Variants in RBM34 observed in about 807,000 individuals in gnomAD.
RBM34 encodes the protein RNA binding motif protein 34.
Under a neutral mutation model 44.6 loss-of-function variants are expected in RBM34, and 39 were observed. The ratio of observed to expected loss-of-function variants is 0.87; its 90% confidence interval spans 0.68 to 1.14. The LOEUF is 1.14. RBM34 is among the 50% of genes most tolerant of loss of function. The probability of loss-of-function intolerance (pLI) is 0.00; values close to 1 mark genes in which losing one functional copy is unlikely to be tolerated. For synonymous variants in RBM34, 194 were observed against 184.0 expected (o/e 1.05, Z -0.44); for missense variants, 572 against 517.9 (o/e 1.10, Z -1.01).
chr1:235,154,773 T>G (rs1414340062), intron 4 of RBM34, 108 bp downstream of exon 4: 1 of 879,446 alleles, frequency 1.1e-6, no homozygotes, highest in Admixed American at 2.3e-5. Context: ...ATGATTTATG[T>G]AATAATTTAC....
At chr1:235,145,180 AATGACTCTTAAATTAC>A (rs1315020163) in intron 6 of RBM34, among the ~76,000 whole-genome samples, 2 of 152,192 alleles carry the variant, frequency 1.3e-5, no homozygotes, top group Non-Finnish European at 2.9e-5. Context: ...AGAAAGCACA[AATGACTCTTAAATTAC>A]ATGACAAGAT....
In RBM34 at chr1:235,151,799, G is replaced by GA. The variant is rs1253207694; in HGVS notation, c.657+906dup. ...TGTAATCCCAGCACTTTGGGAGGCT[G>GA]AGGCAGGCGAATCACCTGAGGTCAC... On this transcript the variant is annotated intron_variant, in intron 5 of 10. Coordinates refer to ENST00000408888, the MANE Select transcript of RBM34 (RefSeq NM_015014.4). Among the ~76,000 whole-genome samples, 26 of 152,280 alleles carry GA rather than the reference G, an allele frequency of 1.7e-4. No homozygotes were observed. In the Middle Eastern group the frequency reaches 0.01, roughly 60 times the overall value.
rs1662671340 is a variant in RBM34 at position 235,160,653 on chromosome 1, T to C, written c.229-6A>G. 3 of 1,609,346 alleles carry C rather than the reference T, an allele frequency of 1.9e-6. No homozygotes were observed. Among genetic ancestry groups the C allele is most frequent in the South Asian group, 2.2e-5 (2 of 89,462 alleles). On this transcript the variant is annotated splice_region_variant and splice_polypyrimidine_tract_variant and intron_variant, in intron 2 of 10. Transcript: ENST00000408888. The stretch of plus-strand genomic sequence containing the variant: ...TTCGTTTTTTTGATGGTTTGCTTTT[T>C]AAAAGTTTGAAGTTATATTTGAGAC...
chr1:235,148,437 T>C lies in RBM34; in HGVS notation c.668A>G (p.Glu223Gly). Residue 223 changes from glutamate to glycine, a missense_variant, in exon 6 of 11, where the codon GAG becomes GGG. Glu to Gly is a moderately conservative substitution (Grantham distance 98, BLOSUM62 -2). Coordinates refer to ENST00000408888, the MANE Select transcript of RBM34 (RefSeq NM_015014.4). ...TGCCAACTTTTTGGATAGCGTTCCC[T>C]CTGCTGGAATCTTTCAAGAGAAAAA... is the stretch of plus-strand genomic sequence containing the variant. ...SVRFRSLIPA[E>G]GTLSKKLAAI... 1 of 1,591,200 alleles carries C rather than the reference T, an allele frequency of 6.3e-7. No individual in the cohort carries two copies. The highest frequency in any genetic ancestry group is 8.5e-7 in the Non-Finnish European group (1 of 1,170,624).
rs1662714941 is a variant in RBM34, at chr1:235,161,247, G to C, written c.-21C>G. On this transcript the variant is annotated 5_prime_UTR_variant, in exon 1 of 11. Transcript: ENST00000408888. Reference sequence around the variant, plus strand: ...GCCATTCTTACTCCAAAGACTCCCAGACTGCAGCTGCGCGCCAGCTCGCAC... The same window carrying C: ...GCCATTCTTACTCCAAAGACTCCCACACTGCAGCTGCGCGCCAGCTCGCAC... 1.2e-6 allele frequency: 2 copies of C among 1,613,036 alleles called. No homozygotes were observed. Among genetic ancestry groups the C allele is most frequent in the Admixed American group, 3.3e-5 (2 of 59,956 alleles).
In RBM34 at chr1:235,161,179, C is replaced by T; in HGVS notation, c.48G>A (p.Gln16=). 4 of 1,606,994 alleles carry T rather than the reference C, an allele frequency of 2.5e-6. No individual in the cohort carries two copies. Among genetic ancestry groups the T allele is most frequent in the Non-Finnish European group, 3.4e-6 (4 of 1,175,384 alleles). The change falls in exon 1 of 11, where the codon CAG becomes CAA. Residue 16 remains glutamine (Q), a synonymous_variant. Transcript: ENST00000408888. ...MSKRKRKRSV[Q]EGENPDDGVR... Reference sequence around the variant, plus strand: ...TCGTGCCGCGCGCCACTCACCCCTCCTGGACACTTCTCTTTCTCTTCCGTT... The same window carrying T: ...TCGTGCCGCGCGCCACTCACCCCTCTTGGACACTTCTCTTTCTCTTCCGTT...
chr1:235,156,729 T>C (rs1418731180), intron 3 of RBM34: 3 of 412,542 alleles, frequency 7.3e-6, no homozygotes, highest in Middle Eastern at 3.6e-4. Context: ...ATAAGAATCA[T>C]AAAAATGACT....
intron 10 of RBM34, among the ~76,000 whole-genome samples, chr1:235,132,246 G>GT (rs889208352): frequency 0.015 from 2,172 of 147,550 alleles, 36 homozygotes; most frequent in African/African-American, 0.04. Context: ...AGGCTTCGTG[G>GT]TTTTTTTTTT....
At chr1:235,148,055 A>C (rs1034751706) in intron 6 of RBM34, among the ~76,000 whole-genome samples, 2 of 152,196 alleles carry the variant, frequency 1.3e-5, no homozygotes, top group African/African-American at 4.8e-5. Context: ...GACCAGCACA[A>C]GCAAACATGA....
At chr1:235,151,794 A>AG (rs1662167224) in intron 5 of RBM34, among the ~76,000 whole-genome samples, 1 of 152,198 alleles carries the variant, frequency 6.6e-6, no homozygotes, top group Admixed American at 6.5e-5. Flanking sequence ...GCACTTTGGG[A>AG]GGCTGAGGCA....
rs750798921 is a variant in RBM34 at position 235,135,752 on chromosome 1, A to G, written c.908T>C (p.Ile303Thr). The G allele has an allele frequency of 9.9e-6, 16 of 1,613,888 alleles. No individual in the cohort carries two copies. In the East Asian group the frequency reaches 2.7e-4, roughly 27 times the overall value. Reference sequence around the variant, plus strand: ...TCCACAGTCCAGAAAGTGCTTCTCAATGGCAGATTCTTCAACTTCTGAAAA... The same window carrying G: ...TCCACAGTCCAGAAAGTGCTTCTCAGTGGCAGATTCTTCAACTTCTGAAAA... ...NLPYKVEESAIEKHFLDCGSI... is the reference protein window; with the variant it reads ...NLPYKVEESATEKHFLDCGSI... Residue 303 changes from isoleucine to threonine, a missense_variant, in exon 10 of 11, where the codon ATT (isoleucine) becomes ACT (threonine). Coordinates refer to ENST00000408888, the MANE Select transcript of RBM34 (RefSeq NM_015014.4).
chr1:235,161,149 G>A (rs1662703804), intron 1 of RBM34, 25 bp downstream of exon 1: 1 of 1,600,198 alleles, frequency 6.2e-7, no homozygotes, highest in Non-Finnish European at 8.5e-7. Flanking sequence ...TCCCTCCCCA[G>A]GTACTCGTGC....
intron 5 of RBM34, among the ~76,000 whole-genome samples, chr1:235,150,708 G>A (rs1480343800): frequency 6.8e-6 from 1 of 147,484 alleles, no homozygotes; most frequent in African/African-American, 2.5e-5. Context: ...TACAGGTGCT[G>A]GTAACCCAAG....
intron 8 of RBM34, among the ~76,000 whole-genome samples, chr1:235,136,284 G>A (rs987546294): frequency 6.6e-6 from 1 of 152,186 alleles, no homozygotes; most frequent in Non-Finnish European, 1.5e-5. Context: ...TTTGTTCACA[G>A]CTGGCACTGA....
At chr1:235,158,668 T>A (rs1407876547) in intron 3 of RBM34, among the ~76,000 whole-genome samples, 1 of 152,026 alleles carries the variant, frequency 6.6e-6, no homozygotes, top group East Asian at 1.9e-4. Context: ...GATTAACAGC[T>A]CCAGAACTGG....
chr1:235,138,056 C>A, intron 7 of RBM34, 35 bp downstream of exon 7: 1 of 1,571,414 alleles, frequency 6.4e-7, no homozygotes. Flanking sequence ...ACTTATAGGA[C>A]AATTATTCTG....
intron 9 of RBM34, 56 bp from the exon 10 acceptor site, chr1:235,135,826 T>G (rs1454910423): frequency 1.4e-6 from 2 of 1,470,942 alleles, no homozygotes; most frequent in Non-Finnish European, 1.9e-6. Flanking sequence ...CTCAGAAACA[T>G]GGAGTTGTTT....
chr1:235,155,830 T>C (rs1468635953), intron 3 of RBM34, among the ~76,000 whole-genome samples: 3 of 18,212 alleles, frequency 1.6e-4, no homozygotes, highest in African/African-American at 3.6e-4. Context: ...TACATATATA[T>C]ATATATATAT....
rs758233264 is a variant in RBM34, at chr1:235,137,946, T to C, written c.786-6A>G. ...CTGCAATCTGGGCCCCATTTCTGTA[T>C]TATAAATACAAAGGGAAAATGGTTG... On this transcript the variant is annotated splice_polypyrimidine_tract_variant and splice_region_variant and intron_variant, in intron 7 of 10. Coordinates refer to ENST00000408888, the MANE Select transcript of RBM34 (RefSeq NM_015014.4). The C allele has an allele frequency of 6.9e-6, 11 of 1,600,548 alleles. No homozygotes were observed. Among genetic ancestry groups the C allele is most frequent in the South Asian group, 1.1e-5 (1 of 90,054 alleles).
Sources: gnomAD v4.1 joint callset for allele counts (sites outside exome capture counted in the v4.1 genomes callset) on GRCh38, gnomAD v4.1.1 for gene constraint, MANE v1.5 for transcripts, NCBI Gene and HGNC (gene_info 2026-07-23, HGNC 2026-07-21) for gene names.